Variants in ZNF326 observed in about 807,000 individuals in gnomAD.
ZNF326 encodes zinc finger protein 326.
ZNF326 carries 30 observed loss-of-function variants against 63.1 expected under a neutral mutation model. The observed-to-expected ratio is 0.48, with a 90% confidence interval of 0.36 to 0.64. ZNF326 has a LOEUF of 0.64. Among genes scored for constraint, ZNF326 ranks in the 30% least tolerant of loss-of-function variants. The pLI is 0.00. For synonymous variants in ZNF326, 194 were observed against 228.2 expected (o/e 0.85, Z 1.35); for missense variants, 609 against 720.3 (o/e 0.85, Z 1.77).
rs1168370342 is a variant in ZNF326 at position 90,031,973 on chromosome 1, A to G, written c.*4272A>G. 1 of 152,224 alleles carries G rather than the reference A, an allele frequency of 6.6e-6. No individual in the cohort carries two copies. The highest frequency in any genetic ancestry group is 1.9e-4 in the East Asian group (1 of 5,196). The allele number at this position is 152,224 out of a possible 1,614,324, so 9.4% of individuals were successfully genotyped here. On this transcript the variant is annotated 3_prime_UTR_variant, in exon 12 of 12. Transcript: ENST00000340281. ...TTACAGTTCATTTTATAAATAAACA[A>G]TTGACTTTTTTTGGTAGTTATGGTC...
Position 89,995,179 on chromosome 1 carries a change from G to T in ZNF326, c.-79G>T. ...CTCGGTCGCGCGGAGTGATCGTGTG[G>T]AATCGCGGGTCGCGGACGCTCGCCG... On this transcript the variant is annotated 5_prime_UTR_variant, in exon 1 of 12. Coordinates refer to ENST00000340281, the MANE Select transcript of ZNF326 (RefSeq NM_182976.4). The T allele has an allele frequency of 6.7e-7, 1 of 1,489,916 alleles. No homozygotes were observed. The highest frequency in any genetic ancestry group is 1.2e-5 in the South Asian group (1 of 81,590). The allele number at this position is 1,489,916 out of a possible 1,614,324, so 92.3% of individuals were successfully genotyped here.
At chr1:90,022,212 G>T (rs1570319219) in intron 10 of ZNF326, 38 bp from the exon 11 acceptor site, 2 of 1,411,126 alleles carry the variant, frequency 1.4e-6, no homozygotes, top group Non-Finnish European at 9.8e-7. Flanking sequence ...TTCATGGCAT[G>T]GTTTTCAAGA....
chr1:90,014,234 A>G (rs532838230), intron 7 of ZNF326, among the ~76,000 whole-genome samples: 1 of 152,320 alleles, frequency 6.6e-6, no homozygotes, highest in Admixed American at 6.5e-5. Context: ...TATAGAATAA[A>G]TTACAAAGGA....
chr1:90,001,603 G>C (rs564785813), intron 2 of ZNF326, among the ~76,000 whole-genome samples: 2 of 149,614 alleles, frequency 1.3e-5, no homozygotes, highest in Admixed American at 6.7e-5. Context: ...GCCCAGGCTA[G>C]AGTGCAATGG....
chr1:89,997,585 G>T (rs1557513461), intron 1 of ZNF326, among the ~76,000 whole-genome samples: 1 of 152,052 alleles, frequency 6.6e-6, no homozygotes, highest in African/African-American at 2.4e-5. Flanking sequence ...TATTGGACGG[G>T]CTGGTCTCGA....
chr1:90,005,722 T>C lies in ZNF326; in HGVS notation c.209+478T>C, dbSNP rs562623498. On this transcript the variant is annotated intron_variant, in intron 4 of 11. Transcript: ENST00000340281. ...CTTTCCAAGAAACATTCAGGACATA[T>C]TCCTTTAATTCTAATTTTAAAGGAA... is the stretch of plus-strand genomic sequence containing the variant. The C allele has an allele frequency of 1.3e-5, 13 of 984,672 alleles. No individual in the cohort carries two copies. The South Asian group carries it at 1.9e-4, about 14-fold the overall frequency. The allele number at this position is 984,672 out of a possible 1,614,324, so 61.0% of individuals were successfully genotyped here.
At chr1:90,005,298 A>G (rs1233020351) in intron 4 of ZNF326, 54 bp downstream of exon 4, 9 of 1,576,618 alleles carry the variant, frequency 5.7e-6, no homozygotes, top group Non-Finnish European at 7.7e-6. Context: ...GATTTTGGAT[A>G]TATTATTTTA....
Position 90,010,255 on chromosome 1 carries a change from T to G in ZNF326, c.783T>G (p.Pro261=). 6.2e-7 allele frequency: 1 copy of G among 1,613,782 alleles called. No homozygotes were observed. Among genetic ancestry groups the G allele is most frequent in the Non-Finnish European group, 8.5e-7 (1 of 1,179,794 alleles). The change falls in exon 6 of 12, where the codon CCT becomes CCG. Residue 261 remains proline (P), a synonymous_variant. Coordinates refer to ENST00000340281, the MANE Select transcript of ZNF326 (RefSeq NM_182976.4). The part of the protein sequence containing the change: ...TFIKKPKLAK[P]MEKISLSKSP... ...TCAAGAAACCCAAACTAGCAAAACCTATGGAGAAGATAAGCCTCAGCAAAT... is the reference window on the plus strand; with the variant it reads ...TCAAGAAACCCAAACTAGCAAAACCGATGGAGAAGATAAGCCTCAGCAAAT...
Position 90,011,961 on chromosome 1 carries a change from T to C in ZNF326, c.815-1165T>C, listed in dbSNP as rs12044068. ...AAGCGATTCTCGTTCCTCAGCCTCC[T>C]GAGTAGCTGGGACTACAGATGTGCA... is the stretch of plus-strand genomic sequence containing the variant. On this transcript the variant is annotated intron_variant, in intron 6 of 11. Transcript: ENST00000340281. 8.0e-4 allele frequency among the ~76,000 whole-genome samples: 122 copies of C among 152,234 alleles called. 6 individuals carry two copies. In the East Asian group the frequency reaches 0.023, roughly 28 times the overall value.
At chr1:90,020,732 A>T in intron 9 of ZNF326, 60 bp from the exon 10 acceptor site, 1 of 1,536,232 alleles carries the variant, frequency 6.5e-7, no homozygotes, top group Non-Finnish European at 8.8e-7. Context: ...AGTAGTAAAA[A>T]CTTCATTGGT....
chr1:90,024,616 T>TTA (rs541362218), intron 11 of ZNF326, among the ~76,000 whole-genome samples: 2,069 of 151,798 alleles, frequency 0.014, 45 homozygotes, highest in African/African-American at 0.047. Flanking sequence ...ATTCTTTTTC[T>TTA]TATATATATA....
At chr1:90,012,724 C>CT (rs1303798199) in intron 6 of ZNF326, among the ~76,000 whole-genome samples, 3 of 152,112 alleles carry the variant, frequency 2.0e-5, no homozygotes, top group South Asian at 2.1e-4. Flanking sequence ...ATCCAGGGCT[C>CT]TGCAGTGTTT....
chr1:90,015,544 G>A (rs950166196), intron 7 of ZNF326, among the ~76,000 whole-genome samples: 1 of 152,142 alleles, frequency 6.6e-6, no homozygotes, highest in Non-Finnish European at 1.5e-5. Context: ...GCCAGGTGTG[G>A]TGGCACGTGC....
intron 1 of ZNF326, 121 bp downstream of exon 1, chr1:89,995,394 C>A: frequency 7.7e-7 from 1 of 1,305,392 alleles, no homozygotes. Flanking sequence ...GGAGGCCGCC[C>A]GCCCGCCCCG....
intron 1 of ZNF326, 107 bp from the exon 2 acceptor site, chr1:89,998,003 G>C: frequency 1.1e-6 from 1 of 913,352 alleles, no homozygotes; most frequent in Non-Finnish European, 1.7e-6. Flanking sequence ...AGATAATTGG[G>C]TTAATGTCAT....
intron 9 of ZNF326, among the ~76,000 whole-genome samples, chr1:90,019,424 A>G (rs867835604): frequency 1.3e-5 from 2 of 151,996 alleles, no homozygotes; most frequent in East Asian, 1.9e-4. Context: ...ACCAACACCA[A>G]CTTCTCTAGG....
At chr1:90,005,818 C>A in intron 4 of ZNF326, 2 of 985,450 alleles carry the variant, frequency 2.0e-6, no homozygotes, top group Non-Finnish European at 2.4e-6. Context: ...ACTACTTACA[C>A]CAAAGCACTT....
chr1:90,023,169 T>C (rs1273995254), intron 11 of ZNF326, among the ~76,000 whole-genome samples: 2 of 152,232 alleles, frequency 1.3e-5, no homozygotes, highest in East Asian at 1.9e-4. Context: ...GGTTAGTCTT[T>C]TGGTTTTGTT....
intron 2 of ZNF326, among the ~76,000 whole-genome samples, chr1:90,001,875 T>C (rs890236610): frequency 3.3e-5 from 5 of 152,088 alleles, no homozygotes; most frequent in African/African-American, 4.8e-5. Context: ...CAGTTTTTTT[T>C]CCCCCAGTAT....
Sources: allele counts gnomAD v4.1 joint callset (sites outside exome capture counted in the v4.1 genomes callset), GRCh38; gene constraint gnomAD v4.1.1; transcripts MANE v1.5; gene names NCBI Gene and HGNC (gene_info 2026-07-23, HGNC 2026-07-21).